The following CCDC171 variants were observed in gnomAD, a reference collection of about 807,000 sequenced individuals.
CCDC171 encodes coiled-coil domain-containing protein 171.
CCDC171 carries 177 observed loss-of-function variants against 168.2 expected under a neutral mutation model. The ratio of observed to expected loss-of-function variants is 1.05; its 90% CI spans 0.93 to 1.19. CCDC171 has a LOEUF of 1.19. Among genes scored for constraint, CCDC171 ranks in the 50% most tolerant of loss-of-function variants. The pLI is 0.00. For synonymous variants in CCDC171, 687 were observed against 540.8 expected, an observed-to-expected ratio of 1.27 and a Z score of -3.75; for missense variants, 1,991 against 1,539.0, an observed-to-expected ratio of 1.29 and a Z score of -4.91.
At chr9:16,087,161 A>G in the CCDC171 span, among the ~76,000 whole-genome samples, 6 of 152,276 alleles carry the variant, frequency 3.9e-5, no homozygotes, top group South Asian at 6.2e-4. Flanking sequence ...TATGTGGTCA[A>G]TTTTAGAATA....
At chr9:15,810,756 C>T (rs892036816) in intron 21 of CCDC171, among the ~76,000 whole-genome samples, 9 of 152,200 alleles carry the variant, frequency 5.9e-5, no homozygotes, top group African/African-American at 1.7e-4. Context: ...GAGTGCTGCG[C>T]GCAGCCCTGG....
intron 16 of CCDC171, among the ~76,000 whole-genome samples, chr9:15,740,665 C>G (rs2054812502): frequency 1.3e-5 from 2 of 152,130 alleles, no homozygotes; most frequent in South Asian, 4.1e-4. Context: ...GTCTAGAACT[C>G]CTGATCTCAG....
intron 3 of CCDC171, among the ~76,000 whole-genome samples, chr9:15,578,249 T>A (rs1277761687): frequency 6.6e-6 from 1 of 150,988 alleles, no homozygotes; most frequent in African/African-American, 2.4e-5. Flanking sequence ...TTTATTTTTT[T>A]TTTTTTAGAC....
chr9:15,553,030 T>G (rs1156776917), upstream of CCDC171: 1 of 152,568 alleles, frequency 6.6e-6, no homozygotes, highest in Non-Finnish European at 1.5e-5. Context: ...GGGCCTGAGT[T>G]GGGCTGACCT....
At chr9:15,603,178 G>T (rs1271706956) in intron 6 of CCDC171, among the ~76,000 whole-genome samples, 2 of 151,994 alleles carry the variant, frequency 1.3e-5, no homozygotes, top group Admixed American at 6.6e-5. Flanking sequence ...TAGAGACAGG[G>T]TTTCACCGTG....
chr9:15,813,170 T>C (rs2059428609), intron 21 of CCDC171, among the ~76,000 whole-genome samples: 2 of 152,200 alleles, frequency 1.3e-5, no homozygotes, highest in Non-Finnish European at 2.9e-5. Flanking sequence ...TTTTGGCTAA[T>C]GGAATGTGAA....
Position 15,695,326 on chromosome 9 carries a change from A to G in CCDC171, c.1307A>G (p.Gln436Arg). 2.5e-6 allele frequency: 4 copies of G among 1,613,052 alleles called. No homozygotes were observed. The highest frequency in any genetic ancestry group is 3.4e-6 in the Non-Finnish European group (4 of 1,178,980). The change falls in exon 11 of 26, where the codon CAG becomes CGG. Residue 436 changes from glutamine (Q) to arginine (R), a missense_variant. Gln to Arg is a conservative substitution (Grantham distance 43, BLOSUM62 1). Coordinates refer to ENST00000380701, the MANE Select transcript of CCDC171 (RefSeq NM_173550.4). ...TTGGACAGCTTTACTGTGTCGGGCC[A>G]GTGGACATCAGGTTAGTTGAAGGTA... Reference protein sequence around the residue: ...SILDSFTVSGQWTSGIHKDKD... With the variant: ...SILDSFTVSGRWTSGIHKDKD...
chr9:15,759,224 T>C (rs954807724), intron 18 of CCDC171, among the ~76,000 whole-genome samples: 2 of 152,206 alleles, frequency 1.3e-5, no homozygotes, highest in African/African-American at 2.4e-5. Flanking sequence ...AAATGTGATA[T>C]AAAACTTACA....
At chr9:15,700,698 C>T (rs1167075756) in intron 11 of CCDC171, among the ~76,000 whole-genome samples, 1 of 151,892 alleles carries the variant, frequency 6.6e-6, no homozygotes, top group Non-Finnish European at 1.5e-5. Context: ...GTTGCCCAGG[C>T]TAGTCTTAAA....
At chr9:15,563,365 C>T (rs568605713) in intron 1 of CCDC171, among the ~76,000 whole-genome samples, 8 of 151,962 alleles carry the variant, frequency 5.3e-5, no homozygotes, top group African/African-American at 1.4e-4. Context: ...TTAGAACTCC[C>T]GACCTCAGGT....
intron 6 of CCDC171, among the ~76,000 whole-genome samples, chr9:15,621,854 A>T (rs2044534990): frequency 6.6e-6 from 1 of 152,234 alleles, no homozygotes; most frequent in African/African-American, 2.4e-5. Flanking sequence ...AGCACTATTC[A>T]CAATAGCAAA....
chr9:15,708,216 A>G (rs2052391850), intron 11 of CCDC171, among the ~76,000 whole-genome samples: 1 of 152,272 alleles, frequency 6.6e-6, no homozygotes, highest in African/African-American at 2.4e-5. Context: ...TCAAGTTTAA[A>G]GTGTCAACAG....
At chr9:16,031,904 C>G (rs1423457546) in intron 6 of CCDC171, among the ~76,000 whole-genome samples, 10 of 152,184 alleles carry the variant, frequency 6.6e-5, no homozygotes, top group Non-Finnish European at 1.3e-4. Flanking sequence ...CAGGCAGCCC[C>G]CAGAGCAGGG....
the CCDC171 span, among the ~76,000 whole-genome samples, chr9:16,086,003 C>T: frequency 6.6e-6 from 1 of 151,910 alleles, no homozygotes; most frequent in Non-Finnish European, 1.5e-5. Flanking sequence ...AGAAGTTTCT[C>T]TTTTTCTGTT....
chr9:15,585,010 T>C (rs2041444263), intron 4 of CCDC171, among the ~76,000 whole-genome samples: 1 of 152,194 alleles, frequency 6.6e-6, no homozygotes. Context: ...ACCTCACTTA[T>C]TGTCAGGGAA....
intron 18 of CCDC171, among the ~76,000 whole-genome samples, chr9:15,772,208 T>C (rs2057049444): frequency 6.6e-6 from 1 of 152,176 alleles, no homozygotes; most frequent in African/African-American, 2.4e-5. Context: ...CGTTAAATTA[T>C]TGTTTAAGTT....
intron 8 of CCDC171, among the ~76,000 whole-genome samples, chr9:15,665,320 C>T (rs775853217): frequency 3.9e-5 from 6 of 151,952 alleles, no homozygotes; most frequent in Non-Finnish European, 8.8e-5. Context: ...TATCAAATAA[C>T]GATAACCATA....
chr9:15,660,739 G>A (rs1428968417), intron 8 of CCDC171, among the ~76,000 whole-genome samples: 1 of 152,212 alleles, frequency 6.6e-6, no homozygotes, highest in Non-Finnish European at 1.5e-5. Flanking sequence ...ATGAGCACCT[G>A]TGTTGATTCC....
At chr9:15,653,197 T>C (rs1158202626) in intron 7 of CCDC171, among the ~76,000 whole-genome samples, 1 of 152,158 alleles carries the variant, frequency 6.6e-6, no homozygotes, top group Non-Finnish European at 1.5e-5. Context: ...TGGAGTGCAG[T>C]AGCACCATGA....
Sources: gnomAD v4.1 joint callset for allele counts (sites outside exome capture counted in the v4.1 genomes callset) on GRCh38, gnomAD v4.1.1 for gene constraint, MANE v1.5 for transcripts, NCBI Gene and HGNC (gene_info 2026-07-23, HGNC 2026-07-21) for gene names.